Variants in CFTR observed in about 807,000 individuals in gnomAD.
CFTR encodes the protein CF transmembrane conductance regulator, also known as cystic fibrosis transmembrane conductance regulator.
Under a neutral mutation model 171.6 loss-of-function variants are expected in CFTR, and 181 were observed. That is an observed-to-expected ratio of 1.05 (90% confidence interval 0.93 to 1.19). The LOEUF (loss-of-function observed/expected upper bound fraction) is 1.19. Ranked by LOEUF, CFTR falls within the 50% of genes most tolerant of loss-of-function variation. The probability of loss-of-function intolerance (pLI) is 0.00; values close to 1 mark genes in which losing one functional copy is unlikely to be tolerated. For missense variants in CFTR, 1,968 were observed against 1,734.7 expected (o/e 1.13, Z -2.39); for synonymous variants, 583 against 608.0 (o/e 0.96, Z 0.60).
At chr7:117,570,458 T>C (rs1033733141) in intron 11 of CFTR, among the ~76,000 whole-genome samples, 1 of 152,128 alleles carries the variant, frequency 6.6e-6, no homozygotes, top group African/African-American at 2.4e-5. Context: ...CAAACAATAT[T>C]TTAGGAATTT....
intron 11 of CFTR, among the ~76,000 whole-genome samples, chr7:117,571,656 A>G (rs1470541267): frequency 6.6e-6 from 1 of 152,142 alleles, no homozygotes; most frequent in East Asian, 1.9e-4. Context: ...TTCCGAACCT[A>G]CCCCAAACAC....
intron 12 of CFTR, 73 bp from the exon 13 acceptor site, chr7:117,590,280 T>A (rs1792005111): frequency 2.1e-5 from 33 of 1,560,124 alleles, no homozygotes; most frequent in Non-Finnish European, 2.9e-5. Flanking sequence ...GTGAACTGTT[T>A]AAGGCAAATC....
In CFTR at chr7:117,660,688, G is replaced by GTGTA. The variant is rs959477527; in HGVS notation, c.3964-3999_3964-3998insGTAT. On this transcript the variant is annotated intron_variant, in intron 24 of 26. Coordinates refer to ENST00000003084, the MANE Select transcript of CFTR (RefSeq NM_000492.4). ...TATATGTGTGTGTGTGTGTGTGTGTGTATATACACACACATATATATATAC... is the reference window on the plus strand; with the variant it reads ...TATATGTGTGTGTGTGTGTGTGTGTGTGTATATATACACACACATATATATATAC... 1.3e-4 allele frequency among the ~76,000 whole-genome samples: 20 copies of GTGTA among 150,376 alleles called. No individual in the cohort carries two copies. The South Asian group carries it at 1.5e-3, about 11-fold the overall frequency.
In CFTR at chr7:117,534,650, G is replaced by A. The variant is rs1464067689; in HGVS notation, c.579+285G>A. 2.6e-5 allele frequency among the ~76,000 whole-genome samples: 4 copies of A among 152,268 alleles called. No individual in the cohort carries two copies. The South Asian group carries it at 6.2e-4, about 24-fold the overall frequency. On this transcript the variant is annotated intron_variant, in intron 5 of 26. Transcript: ENST00000003084. The stretch of plus-strand genomic sequence containing the variant: ...CTTTTTAAAACTTTAAATCTGTTAT[G>A]TACTTTGGCCAGATATGATACCTGA...
intron 24 of CFTR, among the ~76,000 whole-genome samples, chr7:117,658,237 C>T (rs428524): frequency 0.026 from 3,973 of 151,096 alleles, 160 homozygotes; most frequent in African/African-American, 0.09. Context: ...AACTGAATCC[C>T]AAGAGAAAAA....
intron 22 of CFTR, among the ~76,000 whole-genome samples, chr7:117,637,116 C>CT (rs1397379534): frequency 6.6e-6 from 1 of 152,034 alleles, no homozygotes; most frequent in Non-Finnish European, 1.5e-5. Flanking sequence ...CATGCCCTGC[C>CT]TTTAGCATGT....
rs564220815 is a variant in CFTR, at chr7:117,500,178, A to G, written c.54-4075A>G. 6.6e-5 allele frequency among the ~76,000 whole-genome samples: 10 copies of G among 152,226 alleles called. No homozygotes were observed. The South Asian group carries it at 1.9e-3, about 28-fold the overall frequency. ...AGTTTTGCACTAACTAATATTTCAT[A>G]AAGTGTCTAAGTATAGATGTCTGGT... On this transcript the variant is annotated intron_variant, in intron 1 of 26. Transcript: ENST00000003084.
chr7:117,502,883 A>C (rs930824234), intron 1 of CFTR, among the ~76,000 whole-genome samples: 2 of 152,238 alleles, frequency 1.3e-5, no homozygotes, highest in Admixed American at 1.3e-4. Context: ...TATCTTAGTA[A>C]GGAATAATTG....
chr7:117,627,753 A>G lies in CFTR; in HGVS notation c.3700A>G (p.Ile1234Val), dbSNP rs75389940. The G allele has an allele frequency of 6.8e-6, 11 of 1,612,058 alleles. No homozygotes were observed. The Middle Eastern group carries it at 1.3e-3, about 194-fold the overall frequency. The change falls in exon 22 of 27, where the codon ATA becomes GTA. Residue 1234 changes from isoleucine to valine, a missense_variant. Ile to Val is a conservative substitution (Grantham distance 29). Coordinates refer to ENST00000003084, the MANE Select transcript of CFTR (RefSeq NM_000492.4). ...NAILENISFS[I>V]SPGQRVGLLG... is the part of the protein sequence containing the mutation. ...CATATTAGAGAACATTTCCTTCTCA[A>G]TAAGTCCTGGCCAGAGGGTGAGATT...
chr7:117,566,202 G>A (rs1367122222), intron 11 of CFTR, among the ~76,000 whole-genome samples: 1 of 151,728 alleles, frequency 6.6e-6, no homozygotes, highest in Non-Finnish European at 1.5e-5. Context: ...GGGAGGCCGA[G>A]GTGGGTGGAT....
intron 11 of CFTR, among the ~76,000 whole-genome samples, chr7:117,564,120 C>T (rs1437361062): frequency 6.6e-6 from 1 of 152,178 alleles, no homozygotes; most frequent in East Asian, 1.9e-4. Context: ...CCACGTAGCA[C>T]ATTGAGAGAG....
At chr7:117,636,820 T>C (rs1363212233) in intron 22 of CFTR, among the ~76,000 whole-genome samples, 3 of 148,924 alleles carry the variant, frequency 2.0e-5, no homozygotes, top group African/African-American at 7.3e-5. Flanking sequence ...ACCTTTAGCT[T>C]TTTTTTTTTT....
Position 117,620,635 on chromosome 7 carries a change from AG to A in CFTR, c.3468+5925del, listed in dbSNP as rs1393984432. Among the ~76,000 whole-genome samples, 3 of 152,350 alleles carry A rather than the reference AG, an allele frequency of 2.0e-5. No homozygotes were observed. In the South Asian group the frequency reaches 6.2e-4, roughly 32 times the overall value. On this transcript the variant is annotated intron_variant, in intron 21 of 26. Coordinates refer to ENST00000003084, the MANE Select transcript of CFTR (RefSeq NM_000492.4). ...TAGAAGAGGTTTAATAAGAACCCTAAGGGATTGCTAGAATGTTAAAAACAAA... is the reference window on the plus strand; with the variant it reads ...TAGAAGAGGTTTAATAAGAACCCTAAGGATTGCTAGAATGTTAAAAACAAA...
intron 3 of CFTR, among the ~76,000 whole-genome samples, chr7:117,511,066 T>C (rs1798510205): frequency 6.6e-6 from 1 of 152,110 alleles, no homozygotes; most frequent in African/African-American, 2.4e-5. Context: ...ATAATTATAA[T>C]GATTGTATTT....
intron 11 of CFTR, among the ~76,000 whole-genome samples, chr7:117,573,623 C>T (rs888774825): frequency 2.1e-4 from 32 of 152,192 alleles, no homozygotes; most frequent in Middle Eastern, 3.4e-3. Context: ...CCAAGGACCA[C>T]ATATTAAGAA....
intron 21 of CFTR, among the ~76,000 whole-genome samples, chr7:117,622,065 A>T (rs558357663): frequency 2.6e-5 from 4 of 152,198 alleles, no homozygotes; most frequent in Non-Finnish European, 4.4e-5. Flanking sequence ...AGTGACACTG[A>T]CTTCTCAAGT....
chr7:117,627,184 C>T (rs771534445), intron 21 of CFTR, among the ~76,000 whole-genome samples: 7 of 151,896 alleles, frequency 4.6e-5, no homozygotes, highest in South Asian at 2.1e-4. Flanking sequence ...TATAATATAC[C>T]GGTTATACAG....
chr7:117,621,297 T>C (rs1165309670), intron 21 of CFTR, among the ~76,000 whole-genome samples: 1 of 152,214 alleles, frequency 6.6e-6, no homozygotes, highest in Non-Finnish European at 1.5e-5. Flanking sequence ...ATTTTAGCTC[T>C]GATTTTCTGT....
At chr7:117,514,501 T>G (rs1798569067) in intron 3 of CFTR, among the ~76,000 whole-genome samples, 1 of 152,234 alleles carries the variant, frequency 6.6e-6, no homozygotes, top group Admixed American at 6.5e-5. Context: ...TTCCTTTTTA[T>G]GGCTGCATAG....
Sources: gnomAD v4.1 joint callset for allele counts (sites outside exome capture counted in the v4.1 genomes callset) on GRCh38, gnomAD v4.1.1 for gene constraint, MANE v1.5 for transcripts, NCBI Gene and HGNC (gene_info 2026-07-23, HGNC 2026-07-21) for gene names.